The following BPIFB1 variants were observed in gnomAD, a reference collection of about 807,000 sequenced individuals.
BPIFB1 encodes BPI fold containing family B member 1, also known as BPI fold-containing family B member 1.
Under a neutral mutation model 55.1 loss-of-function variants are expected in BPIFB1, and 34 were observed. The ratio of observed to expected loss-of-function variants is 0.62; its 90% confidence interval spans 0.47 to 0.82. The LOEUF is 0.82. BPIFB1 is among the 40% of genes least tolerant of loss of function. The probability of loss-of-function intolerance (pLI) is 0.00; values close to 1 mark genes in which losing one functional copy is unlikely to be tolerated. For missense variants in BPIFB1, 532 were observed against 593.1 expected, an observed-to-expected ratio of 0.90 and a Z score of 1.07; for synonymous variants, 236 against 245.3, an observed-to-expected ratio of 0.96 and a Z score of 0.35.
At position 33,289,825 on chromosome 20, in the gene BPIFB1, A is replaced by G; in HGVS notation, c.258-60A>G. The G allele has an allele frequency of 2.7e-6, 4 of 1,465,710 alleles. No homozygotes were observed. In the South Asian group the frequency reaches 4.6e-5, roughly 17 times the overall value. The allele number at this position is 1,465,710 out of a possible 1,614,324, so 90.8% of individuals were successfully genotyped here. A position where few individuals can be genotyped will look rare whatever the true frequency, so the allele number is the denominator to read the frequency against. ...AGGGAGATGGAAAAGATAGAGAGGG[A>G]GTGGATTTGGGAATAATGAGCCGGA... is the stretch of plus-strand genomic sequence containing the variant. On this transcript the variant is annotated intron_variant, in intron 3 of 15. Coordinates refer to ENST00000253354, the MANE Select transcript of BPIFB1 (RefSeq NM_033197.3).
In BPIFB1 at chr20:33,289,949, C is replaced by CT; in HGVS notation, c.323dup (p.Leu109AlafsTer28). On this transcript the variant is annotated frameshift_variant, in exon 4 of 16. Coordinates refer to ENST00000253354, the MANE Select transcript of BPIFB1 (RefSeq NM_033197.3). LOFTEE classifies it high-confidence loss of function. ...GAAGCCCTCGGCCAATGACCAGGAG[C>CT]TGCTAGTCAAGATCCCCCTGGACAT... is the stretch of plus-strand genomic sequence containing the variant. 6.2e-7 allele frequency: 1 copy of CT among 1,614,174 alleles called. No individual in the cohort carries two copies. Among genetic ancestry groups the CT allele is most frequent in the Non-Finnish European group, 8.5e-7 (1 of 1,180,038 alleles).
At position 33,301,383 on chromosome 20, in the gene BPIFB1, GA is replaced by G; in HGVS notation, c.900del (p.Glu301AsnfsTer17). 6.2e-7 allele frequency: 1 copy of G among 1,614,038 alleles called. No homozygotes were observed. The highest frequency in any genetic ancestry group is 8.5e-7 in the Non-Finnish European group (1 of 1,180,018). ...KAAVAAVLSP[E>X]EFMVLLDSVL... The stretch of plus-strand genomic sequence containing the variant: ...TGCAGTGGCTGCTGTGCTCTCTCCA[GA>G]AGAATTCATGGTCCTGTTGGACTCT... On this transcript the variant is annotated frameshift_variant, in exon 9 of 16. Coordinates refer to ENST00000253354, the MANE Select transcript of BPIFB1 (RefSeq NM_033197.3). LOFTEE classifies it high-confidence loss of function.
Position 33,306,947 on chromosome 20 carries a change from A to G in BPIFB1, c.1355A>G (p.Lys452Arg). 2.5e-6 allele frequency: 4 copies of G among 1,614,198 alleles called. No homozygotes were observed. Among genetic ancestry groups the G allele is most frequent in the African/African-American group, 1.3e-5 (1 of 75,066 alleles). The change falls in exon 15 of 16, where the codon AAG (lysine) becomes AGG (arginine). Residue 452 changes from lysine (K) to arginine (R), a missense_variant. Physicochemically the swap from Lys to Arg is conservative, Grantham distance 26 (BLOSUM62 2). Coordinates refer to ENST00000253354, the MANE Select transcript of BPIFB1 (RefSeq NM_033197.3). ...LRSGVPVSLVKALGFEAAESS... is the reference protein window; with the variant it reads ...LRSGVPVSLVRALGFEAAESS... ...TCTGGGGTCCCAGTGTCATTGGTGA[A>G]GGCCTTGGGATTCGAGGCAGCTGAG...
chr20:33,302,790 C>A, intron 10 of BPIFB1, 126 bp from the exon 11 acceptor site: 2 of 1,050,142 alleles, frequency 1.9e-6, no homozygotes, highest in Non-Finnish European at 2.8e-6. Context: ...GCAAGAAGGA[C>A]AGGGTGGCTG....
intron 6 of BPIFB1, among the ~76,000 whole-genome samples, chr20:33,293,704 G>A (rs374930889): frequency 1.3e-5 from 2 of 152,148 alleles, no homozygotes; most frequent in East Asian, 1.9e-4. Flanking sequence ...AGCTGGGCAT[G>A]ATGGTGTGCC....
At chr20:33,296,175 C>T (rs2146530597) in intron 6 of BPIFB1, among the ~76,000 whole-genome samples, 1 of 152,246 alleles carries the variant, frequency 6.6e-6, no homozygotes, top group South Asian at 2.1e-4. Flanking sequence ...ACTGTGTAGC[C>T]AGGATTGAGA....
Position 33,305,988 on chromosome 20 carries a change from T to C in BPIFB1, c.1255-14T>C. The C allele has an allele frequency of 6.2e-7, 1 of 1,613,000 alleles. No individual in the cohort carries two copies. Among genetic ancestry groups the C allele is most frequent in the Non-Finnish European group, 8.5e-7 (1 of 1,179,220 alleles). On this transcript the variant is annotated splice_polypyrimidine_tract_variant and intron_variant, in intron 13 of 15. Transcript: ENST00000253354. ...GCTCAACCAGGGTGACAGTGCCCCT[T>C]CTCTCTCTCACAGCCTGATGTTCTG... is the stretch of plus-strand genomic sequence containing the variant.
At chr20:33,299,353 G>T (rs1568651629) in intron 7 of BPIFB1, 1 of 357,972 alleles carries the variant, frequency 2.8e-6, no homozygotes, top group Admixed American at 3.5e-5. Context: ...TCTTTGGGGG[G>T]AGCAGAGGAG....
At chr20:33,290,337 C>T (rs1884886) in intron 4 of BPIFB1, among the ~76,000 whole-genome samples, 20,313 of 152,158 alleles carry the variant, frequency 0.13, 1,533 homozygotes, top group Non-Finnish European at 0.16. Flanking sequence ...TTTTTAAAGA[C>T]TCCTGGCTGC....
intron 7 of BPIFB1, 24 bp downstream of exon 7, chr20:33,297,612 A>G: frequency 6.2e-7 from 1 of 1,613,736 alleles, no homozygotes; most frequent in Non-Finnish European, 8.5e-7. Flanking sequence ...TCTCTCTCCC[A>G]CTTTTTCCTT....
At chr20:33,289,279 G>T (rs1488374529) in intron 3 of BPIFB1, among the ~76,000 whole-genome samples, 1 of 151,976 alleles carries the variant, frequency 6.6e-6, no homozygotes, top group Non-Finnish European at 1.5e-5. Context: ...TACTCAGGAG[G>T]CTGAGGCAGG....
rs73906382 is a variant in BPIFB1 at position 33,290,072 on chromosome 20, G to C, written c.365+80G>C. On this transcript the variant is annotated intron_variant, in intron 4 of 15. Coordinates refer to ENST00000253354, the MANE Select transcript of BPIFB1 (RefSeq NM_033197.3). ...CCCCTCCCCCGCCCCCACCATGCAG[G>C]TGTCTGGAAAAGAGAGTTCCGAGCA... 4.4e-3 allele frequency: 5,013 copies of C among 1,126,628 alleles called. 161 individuals are homozygous for C. In the African/African-American group the frequency reaches 0.068, roughly 15 times the overall value. The allele number at this position is 1,126,628 out of a possible 1,614,324, so 69.8% of individuals were successfully genotyped here. A position where few individuals can be genotyped will look rare whatever the true frequency, so the allele number is the denominator to read the frequency against.
Position 33,291,002 on chromosome 20 carries a change from C to G in BPIFB1, c.411C>G (p.Ala137=). 6.2e-7 allele frequency: 1 copy of G among 1,613,988 alleles called. No individual in the cohort carries two copies. The highest frequency in any genetic ancestry group is 8.5e-7 in the Non-Finnish European group (1 of 1,180,016). The part of the protein sequence containing the change: ...TIVEFHMTTE[A]QATIRMDTSA... ...TGGAGTTCCACATGACGACTGAGGC[C>G]CAAGCCACCATCCGCATGGACACCA... The change falls in exon 5 of 16, where the codon GCC becomes GCG. Residue 137 remains alanine, a synonymous_variant. Coordinates refer to ENST00000253354, the MANE Select transcript of BPIFB1 (RefSeq NM_033197.3).
intron 6 of BPIFB1, among the ~76,000 whole-genome samples, chr20:33,295,709 GGAAGGAA>G (rs1980624910): frequency 7.4e-6 from 1 of 134,598 alleles, no homozygotes; most frequent in African/African-American, 3.5e-5. Context: ...AAGGAAGCAA[GGAAGGAA>G]AAAGAGAGAG....
At chr20:33,291,665 TC>T (rs1455886873) in intron 5 of BPIFB1, among the ~76,000 whole-genome samples, 1 of 152,114 alleles carries the variant, frequency 6.6e-6, no homozygotes, top group Non-Finnish European at 1.5e-5. Context: ...AAATGCCAGC[TC>T]CCATCATCCC....
At chr20:33,301,448 C>G in intron 9 of BPIFB1, 36 bp downstream of exon 9, 1 of 1,581,588 alleles carries the variant, frequency 6.3e-7, no homozygotes, top group African/African-American at 1.3e-5. Flanking sequence ...TAGGGCCGCC[C>G]AGGCCACATC....
intron 7 of BPIFB1, chr20:33,298,991 T>C (rs1449696701): frequency 1.0e-5 from 3 of 299,342 alleles, no homozygotes; most frequent in Non-Finnish European, 2.0e-5. Context: ...TTTTTTTTTT[T>C]GGAGACGGAC....
chr20:33,285,963 C>A, intron 1 of BPIFB1, 70 bp from the exon 2 acceptor site: 1 of 952,646 alleles, frequency 1.0e-6, no homozygotes, highest in Non-Finnish European at 1.6e-6. Context: ...GGACACCGTG[C>A]CCCAGGTCAC....
chr20:33,296,904 A>G (rs1980671017), intron 6 of BPIFB1, among the ~76,000 whole-genome samples: 4 of 152,242 alleles, frequency 2.6e-5, no homozygotes, highest in Admixed American at 2.0e-4. Flanking sequence ...TGCTGTATGA[A>G]TAAACAAATT....
Sources: allele counts gnomAD v4.1 joint callset (sites outside exome capture counted in the v4.1 genomes callset), GRCh38; gene constraint gnomAD v4.1.1; transcripts MANE v1.5; gene names NCBI Gene and HGNC (gene_info 2026-07-23, HGNC 2026-07-21).